Variants in TBC1D4 observed in about 807,000 individuals in gnomAD.
TBC1D4 encodes the protein TBC1 domain family member 4, also known as TBC (Tre-2, BUB2, CDC16) domain-containing protein.
Under a neutral mutation model 142.5 loss-of-function variants are expected in TBC1D4, and 121 were observed. That is an observed-to-expected ratio of 0.85 (90% CI 0.73 to 0.99). The LOEUF (loss-of-function observed/expected upper bound fraction) is 0.99. Ranked by LOEUF, TBC1D4 falls within the 50% of genes least tolerant of loss-of-function variation. The pLI is 0.00. For synonymous variants in TBC1D4, 630 were observed against 628.2 expected (o/e 1.00, Z -0.04); for missense variants, 1,475 against 1,606.6 (o/e 0.92, Z 1.40).
Position 75,337,000 on chromosome 13 carries a change from C to T in TBC1D4, c.1652G>A (p.Ser551Asn), listed in dbSNP as rs1880281257. The change falls in exon 8 of 21, where the codon AGT (serine) becomes AAT (asparagine). Residue 551 changes from serine (S) to asparagine (N), a missense_variant. Coordinates refer to ENST00000377636, the MANE Select transcript of TBC1D4 (RefSeq NM_014832.5). Reference sequence around the variant, plus strand: ...CAGAATGTCAAGTTTGAACCTTCCACTGCTTGTTGCATTTTCTGGGATTGT... The same window carrying T: ...CAGAATGTCAAGTTTGAACCTTCCATTGCTTGTTGCATTTTCTGGGATTGT... ...NSTIPENATS[S>N]GRFKLDILKN... 1 of 1,613,292 alleles carries T rather than the reference C, an allele frequency of 6.2e-7. No homozygotes were observed. The highest frequency in any genetic ancestry group is 8.5e-7 in the Non-Finnish European group (1 of 1,179,560).
At chr13:75,288,899 G>A (rs147358764) in intron 20 of TBC1D4, 35 bp downstream of exon 20, 1 of 1,604,694 alleles carries the variant, frequency 6.2e-7, no homozygotes, top group South Asian at 1.1e-5. Context: ...AGGAGGCATT[G>A]AAGTACTTAT....
At chr13:75,289,519 G>A (rs565490703) in intron 19 of TBC1D4, among the ~76,000 whole-genome samples, 1 of 151,910 alleles carries the variant, frequency 6.6e-6, no homozygotes, top group Non-Finnish European at 1.5e-5. Context: ...TTATGTTAGA[G>A]ATAATCTCTG....
intron 1 of TBC1D4, among the ~76,000 whole-genome samples, chr13:75,380,402 G>A (rs1404676037): frequency 6.6e-6 from 1 of 151,936 alleles, no homozygotes; most frequent in East Asian, 2.0e-4. Flanking sequence ...GAACCCAGGA[G>A]GTGGAGGTTG....
chr13:75,478,058 G>GAAC (rs1477605151), intron 1 of TBC1D4, among the ~76,000 whole-genome samples: 6 of 152,136 alleles, frequency 3.9e-5, no homozygotes, highest in African/African-American at 1.4e-4. Context: ...AGCCAAGAGG[G>GAAC]AACACATCAC....
intron 7 of TBC1D4, among the ~76,000 whole-genome samples, chr13:75,339,619 C>T (rs1460954425): frequency 6.6e-6 from 1 of 151,700 alleles, no homozygotes; most frequent in Non-Finnish European, 1.5e-5. Flanking sequence ...TCTCCTGTCG[C>T]CTGGGGAGTG....
At chr13:75,470,154 G>T (rs2138320628) in intron 1 of TBC1D4, among the ~76,000 whole-genome samples, 1 of 152,164 alleles carries the variant, frequency 6.6e-6, no homozygotes, top group South Asian at 2.1e-4. Flanking sequence ...TCTAGAGCAG[G>T]GGTTATCAAT....
rs752601636 is a variant in TBC1D4, at chr13:75,481,658, C to A, written c.110G>T (p.Arg37Leu). ...GCACGACCCCCCAACGTACCACAGC[C>A]GGAACCGCTTATCGCTTGGCTTCCC... Reference protein sequence around the residue: ...GPGKPSDKRFRLWYVGGSCLD... With the variant: ...GPGKPSDKRFLLWYVGGSCLD... Residue 37 changes from arginine (R) to leucine (L), a missense_variant, in exon 1 of 21, where the codon CGG (arginine) becomes CTG (leucine). By Grantham distance (102) the Arg-to-Leu change is moderately radical. This residue lies in a region of TBC1D4 where 1,227 missense variants were observed against 1,267.7 expected (regional missense o/e 0.97). Transcript: ENST00000377636. The A allele has an allele frequency of 6.2e-7, 1 of 1,602,508 alleles. No homozygotes were observed. Among genetic ancestry groups the A allele is most frequent in the Non-Finnish European group, 8.5e-7 (1 of 1,174,702 alleles).
In TBC1D4 at chr13:75,362,796, T is replaced by C. The variant is rs1397934460; in HGVS notation, c.499-189A>G. 6.6e-6 allele frequency among the ~76,000 whole-genome samples: 1 copy of C among 152,222 alleles called. No homozygotes were observed. The highest frequency in any genetic ancestry group is 1.9e-4 in the East Asian group (1 of 5,208). ...ATGACTTCAAGATAAAATTAAAATG[T>C]AATGAAAATTGAAATTGAATAGCAG... On this transcript the variant is annotated intron_variant, in intron 1 of 20. Transcript: ENST00000377636. The surrounding 1 kb of genome is among the most constrained non-coding windows in gnomAD (Gnocchi z 4.2).
At chr13:75,405,201 A>G (rs190097175) in intron 1 of TBC1D4, among the ~76,000 whole-genome samples, 3 of 152,294 alleles carry the variant, frequency 2.0e-5, no homozygotes. Context: ...AATTTTTGCA[A>G]AAAAATGCAA....
In TBC1D4 at chr13:75,341,216, T is replaced by C. The variant is rs777408410; in HGVS notation, c.1520A>G (p.Asp507Gly). ...ERVQKMKPVS[D>G]QEENELVILH... ...AATCACAAGTTCATTTTCTTCCTGG[T>C]CACTGACTGGCTTCATTTTCTGTTC... The change falls in exon 7 of 21, where the codon GAC (aspartate) becomes GGC (glycine). Residue 507 changes from aspartate (D) to glycine (G), a missense_variant. Asp to Gly is a moderately conservative substitution (Grantham distance 94, BLOSUM62 -1). Around this residue, in one of 2 missense-constraint regions of TBC1D4, gnomAD observed 1,227 missense variants for 1,267.7 expected, o/e 0.97. Transcript: ENST00000377636. 1 of 1,613,802 alleles carries C rather than the reference T, an allele frequency of 6.2e-7. No homozygotes were observed. The highest frequency in any genetic ancestry group is 1.1e-5 in the South Asian group (1 of 91,050).
chr13:75,466,615 G>A (rs1372391984), intron 1 of TBC1D4, among the ~76,000 whole-genome samples: 1 of 152,120 alleles, frequency 6.6e-6, no homozygotes, highest in East Asian at 1.9e-4. Context: ...GCTCACACCT[G>A]TAATCCCAGC....
chr13:75,285,976 G>A lies in TBC1D4; in HGVS notation c.*816C>T, dbSNP rs1440037810. 1.3e-5 allele frequency: 2 copies of A among 152,536 alleles called. No homozygotes were observed. Among genetic ancestry groups the A allele is most frequent in the African/African-American group, 4.8e-5 (2 of 41,420 alleles). 9.4% of individuals were successfully genotyped at this position (152,536 alleles called of 1,614,324 possible). Reference sequence around the variant, plus strand: ...GCAGAAAGCTAATCTAGACATTTTAGGTCCTAAATTAAATTTTTCAGGTGT... The same window carrying A: ...GCAGAAAGCTAATCTAGACATTTTAAGTCCTAAATTAAATTTTTCAGGTGT... On this transcript the variant is annotated 3_prime_UTR_variant, in exon 21 of 21. Transcript: ENST00000377636.
At chr13:75,345,828 A>G (rs1881105255) in intron 5 of TBC1D4, among the ~76,000 whole-genome samples, 1 of 152,226 alleles carries the variant, frequency 6.6e-6, no homozygotes, top group Non-Finnish European at 1.5e-5. Flanking sequence ...TCCTTTGTAT[A>G]AGTGATAGCT....
intron 1 of TBC1D4, among the ~76,000 whole-genome samples, chr13:75,371,446 C>A (rs570865355): frequency 3.9e-4 from 59 of 152,272 alleles, no homozygotes; most frequent in Middle Eastern, 3.4e-3. Flanking sequence ...TAGAAAGGCA[C>A]AGGTGCAGGC....
At chr13:75,341,996 C>T (rs776532092) in intron 5 of TBC1D4, among the ~76,000 whole-genome samples, 3 of 152,134 alleles carry the variant, frequency 2.0e-5, no homozygotes, top group Non-Finnish European at 2.9e-5. Context: ...TTCTGACAAG[C>T]ATGAAGCAAA....
At chr13:75,340,569 C>CT (rs1169811242) in intron 7 of TBC1D4, among the ~76,000 whole-genome samples, 4 of 151,926 alleles carry the variant, frequency 2.6e-5, no homozygotes, top group African/African-American at 4.8e-5. Flanking sequence ...ACTATTAATG[C>CT]TTTTTTTTAA....
chr13:75,481,718 T>C lies in TBC1D4; in HGVS notation c.50A>G (p.Glu17Gly), dbSNP rs756797020. ...IQDEPFPHPL[E>G]PEPGVSAQPG... ...CTGAGCTGAGACGCCCGGCTCGGGC[T>C]CCAGGGGGTGCGGGAACGGCTCATC... Residue 17 changes from glutamate (E) to glycine (G), a missense_variant, in exon 1 of 21, where the codon GAG (glutamate) becomes GGG (glycine). Glu to Gly is a moderately conservative substitution (Grantham distance 98). This residue lies in a region of TBC1D4 where 1,227 missense variants were observed against 1,267.7 expected (regional missense o/e 0.97). Coordinates refer to ENST00000377636, the MANE Select transcript of TBC1D4 (RefSeq NM_014832.5). 2 of 1,596,916 alleles carry C rather than the reference T, an allele frequency of 1.3e-6. No individual in the cohort carries two copies. Among genetic ancestry groups the C allele is most frequent in the Admixed American group, 3.5e-5 (2 of 56,942 alleles).
At position 75,384,287 on chromosome 13, in the gene TBC1D4, T is replaced by C. The variant is rs543352700; in HGVS notation, c.499-21680A>G. Among the ~76,000 whole-genome samples, 28 of 151,920 alleles carry C rather than the reference T, an allele frequency of 1.8e-4. 1 individual carries two copies. The South Asian group carries it at 5.2e-3, about 28-fold the overall frequency. On this transcript the variant is annotated intron_variant, in intron 1 of 20. Transcript: ENST00000377636. ...CCCGTCTCTACTAAAAATATAGAAA[T>C]TAGCTGGGCATGCTGGTGGGTGTCT...
chr13:75,459,514 T>C (rs114752702), intron 1 of TBC1D4, among the ~76,000 whole-genome samples: 5,814 of 152,312 alleles, frequency 0.038, 379 homozygotes, highest in African/African-American at 0.13. Flanking sequence ...CAATATTAGC[T>C]AACTCCTATG....
Sources: gnomAD v4.1 joint callset for allele counts (sites outside exome capture counted in the v4.1 genomes callset) on GRCh38, gnomAD v4.1.1 for gene constraint, gnomAD v4.1.1 regional missense constraint, Gnocchi (gnomAD v3.1) non-coding constraint, MANE v1.5 for transcripts, NCBI Gene and HGNC (gene_info 2026-07-23, HGNC 2026-07-21) for gene names.